The following CNTN4 variants were observed in gnomAD, a reference collection of about 807,000 sequenced individuals.
CNTN4 encodes the protein contactin-4.
CNTN4 carries 77 observed loss-of-function variants against 122.5 expected under a neutral mutation model. That is an observed-to-expected ratio of 0.63 (90% CI 0.52 to 0.76). CNTN4 has a LOEUF of 0.76. CNTN4 is among the 30% of genes least tolerant of loss of function. The pLI is 0.00. For synonymous variants in CNTN4, 512 were observed against 447.0 expected, an observed-to-expected ratio of 1.15 and a Z score of -1.83; for missense variants, 1,256 against 1,259.1, an observed-to-expected ratio of 1.00 and a Z score of 0.04.
chr3:2,679,068 G>T (rs1211555888), intron 4 of CNTN4, among the ~76,000 whole-genome samples: 3 of 152,070 alleles, frequency 2.0e-5, no homozygotes, highest in African/African-American at 7.2e-5. Context: ...CACAAAACAG[G>T]ACATGCTAAT....
At chr3:2,644,047 C>G (rs1262261059) in intron 4 of CNTN4, among the ~76,000 whole-genome samples, 2 of 152,188 alleles carry the variant, frequency 1.3e-5, no homozygotes, top group Non-Finnish European at 2.9e-5. Flanking sequence ...GTAAGTAACT[C>G]TCATTCCTCC....
intron 12 of CNTN4, among the ~76,000 whole-genome samples, chr3:2,919,009 G>A (rs1246178649): frequency 6.6e-6 from 1 of 151,702 alleles, no homozygotes; most frequent in Admixed American, 6.6e-5. Context: ...AGGGAAAGAG[G>A]CTCTTACTTG....
At chr3:2,783,138 TAGC>T (rs1425024390) in intron 6 of CNTN4, among the ~76,000 whole-genome samples, 2 of 151,586 alleles carry the variant, frequency 1.3e-5, no homozygotes, top group Non-Finnish European at 2.9e-5. Context: ...TTTTTTAAAT[TAGC>T]AGGACATAGT....
intron 4 of CNTN4, among the ~76,000 whole-genome samples, chr3:2,735,510 A>G (rs983068100): frequency 6.6e-6 from 1 of 152,204 alleles, no homozygotes; most frequent in Non-Finnish European, 1.5e-5. Flanking sequence ...CAAGCACATA[A>G]TCAGTGGACT....
chr3:2,400,982 A>G (rs2046836710), intron 3 of CNTN4, among the ~76,000 whole-genome samples: 1 of 150,818 alleles, frequency 6.6e-6, no homozygotes. Context: ...GGAAATTAGC[A>G]CATTACTTAT....
intron 15 of CNTN4, among the ~76,000 whole-genome samples, chr3:3,030,562 G>A (rs949197009): frequency 2.6e-5 from 4 of 152,194 alleles, no homozygotes; most frequent in African/African-American, 9.6e-5. Flanking sequence ...AGCCACCGTA[G>A]TACGTAGGAC....
intron 6 of CNTN4, among the ~76,000 whole-genome samples, chr3:2,793,633 G>A (rs935321513): frequency 2.6e-5 from 4 of 151,920 alleles, no homozygotes; most frequent in Non-Finnish European, 2.9e-5. Flanking sequence ...TCTTAATTGC[G>A]TTTTCGAAAA....
intron 6 of CNTN4, among the ~76,000 whole-genome samples, chr3:2,756,680 C>T (rs558720854): frequency 6.6e-6 from 1 of 152,202 alleles, no homozygotes; most frequent in South Asian, 2.1e-4. Context: ...ATCAAGTGTC[C>T]TCATAAGAGA....
In CNTN4 at chr3:2,287,641, A is replaced by G. The variant is rs796420958; in HGVS notation, c.-144-51537A>G. ...GAAGGAGAAGGAGAAGGAGAAGAAG[A>G]AGAAGAAGAAGAAGAAGAAGAAGAA... On this transcript the variant is annotated intron_variant, in intron 2 of 24. Transcript: ENST00000418658. 6.2e-3 allele frequency among the ~76,000 whole-genome samples: 166 copies of G among 26,612 alleles called. 2 individuals are homozygous for G. The highest frequency in any genetic ancestry group is 0.012 in the South Asian group (7 of 600). 17.5% of individuals were successfully genotyped at this position (26,612 alleles called of 152,430 possible). A position where few individuals can be genotyped will look rare whatever the true frequency, so the allele number is the denominator to read the frequency against.
chr3:2,862,990 C>T (rs546552464), intron 7 of CNTN4, among the ~76,000 whole-genome samples: 8 of 152,168 alleles, frequency 5.3e-5, no homozygotes, highest in South Asian at 2.1e-4. Context: ...GGTTATAGTC[C>T]GCCTCACCCC....
chr3:2,794,991 A>C (rs1298014993), intron 6 of CNTN4, among the ~76,000 whole-genome samples: 4 of 152,170 alleles, frequency 2.6e-5, no homozygotes, highest in African/African-American at 9.6e-5. Flanking sequence ...TTAGGATTTT[A>C]ACAGAGAATT....
chr3:2,225,172 AG>A (rs1487087499), intron 2 of CNTN4, among the ~76,000 whole-genome samples: 1 of 151,534 alleles, frequency 6.6e-6, no homozygotes, highest in African/African-American at 2.4e-5. Context: ...AAAAAAAAGA[AG>A]TAATAAGGTT....
intron 4 of CNTN4, among the ~76,000 whole-genome samples, chr3:2,649,569 T>C (rs2083275325): frequency 6.6e-6 from 1 of 152,144 alleles, no homozygotes; most frequent in African/African-American, 2.4e-5. Flanking sequence ...AAAGATTCCT[T>C]TCAAAATATT....
At chr3:2,909,123 G>A (rs1005431685) in intron 12 of CNTN4, among the ~76,000 whole-genome samples, 3 of 152,262 alleles carry the variant, frequency 2.0e-5, no homozygotes, top group Admixed American at 1.3e-4. Context: ...CAACTGCCTC[G>A]TTGAGCCAGG....
chr3:2,263,527 G>T (rs770449218), intron 2 of CNTN4, among the ~76,000 whole-genome samples: 12 of 151,744 alleles, frequency 7.9e-5, no homozygotes, highest in Non-Finnish European at 1.6e-4. Flanking sequence ...CATATTCTTG[G>T]AGTGCATATG....
chr3:2,494,218 C>T (rs1270767923), intron 3 of CNTN4, among the ~76,000 whole-genome samples: 1 of 152,136 alleles, frequency 6.6e-6, no homozygotes, highest in Non-Finnish European at 1.5e-5. Context: ...TTCCGGAGAA[C>T]ACATGCCCAA....
chr3:2,261,279 C>G (rs1402467708), intron 2 of CNTN4, among the ~76,000 whole-genome samples: 1 of 152,068 alleles, frequency 6.6e-6, no homozygotes, highest in Non-Finnish European at 1.5e-5. Flanking sequence ...ATCATAGAAC[C>G]TGCCAATTAA....
intron 4 of CNTN4, among the ~76,000 whole-genome samples, chr3:2,640,173 C>T (rs1297354543): frequency 6.6e-6 from 1 of 152,116 alleles, no homozygotes; most frequent in African/African-American, 2.4e-5. Flanking sequence ...TCTCAAATGG[C>T]AATGTTGGAG....
At chr3:2,911,723 C>CA (rs76731353) in intron 12 of CNTN4, among the ~76,000 whole-genome samples, 64,004 of 151,508 alleles carry the variant, frequency 0.42, 13,855 homozygotes, top group East Asian at 0.65. Flanking sequence ...AGAGTATCAA[C>CA]GAGATAAAAG....
Sources: gnomAD v4.1 joint callset for allele counts (sites outside exome capture counted in the v4.1 genomes callset) on GRCh38, gnomAD v4.1.1 for gene constraint, MANE v1.5 for transcripts, NCBI Gene and HGNC (gene_info 2026-07-23, HGNC 2026-07-21) for gene names.